TCERG1L: variants seen among roughly 807,000 people sequenced by gnomAD.
TCERG1L encodes the protein transcription elongation regulator 1 like.
In TCERG1L, 37 loss-of-function variants were observed where a neutral mutation model predicts 56.3. The ratio of observed to expected loss-of-function variants is 0.66; its 90% CI spans 0.51 to 0.87. The LOEUF is 0.87. TCERG1L is among the 40% of genes least tolerant of loss of function. The probability of loss-of-function intolerance (pLI) is 0.00; values close to 1 mark genes in which losing one functional copy is unlikely to be tolerated. For missense variants in TCERG1L, 799 were observed against 774.2 expected, an observed-to-expected ratio of 1.03 and a Z score of -0.38; for synonymous variants, 324 against 326.3, an observed-to-expected ratio of 0.99 and a Z score of 0.08.
intron 3 of TCERG1L, among the ~76,000 whole-genome samples, chr10:131,292,772 T>C (rs1265707897): frequency 9.2e-6 from 1 of 109,082 alleles, no homozygotes; most frequent in African/African-American, 3.1e-5. Context: ...GGAGCAGTGA[T>C]AGCTCCATTT....
In TCERG1L at chr10:131,116,234, G is replaced by T. The variant is rs967290519; in HGVS notation, c.1395+565C>A. 2.0e-5 allele frequency among the ~76,000 whole-genome samples: 3 copies of T among 152,204 alleles called. No individual in the cohort carries two copies. The East Asian group carries it at 5.8e-4, about 29-fold the overall frequency. On this transcript the variant is annotated intron_variant, in intron 9 of 11. Transcript: ENST00000368642. ...GTGAGATTTGGAAATCAGCTACACT[G>T]AAGATATCTTAATTTTATTTAAAAA...
intron 8 of TCERG1L, among the ~76,000 whole-genome samples, chr10:131,122,555 C>T (rs577394681): frequency 6.6e-6 from 1 of 152,358 alleles, no homozygotes; most frequent in African/African-American, 2.4e-5. Context: ...AAGACAAATG[C>T]AGACGGACAG....
intron 3 of TCERG1L, among the ~76,000 whole-genome samples, chr10:131,287,865 C>A (rs1055229160): frequency 6.6e-6 from 1 of 152,186 alleles, no homozygotes; most frequent in Non-Finnish European, 1.5e-5. Flanking sequence ...AGGCAGCTGG[C>A]GAGTGACAGG....
rs545078652 is a variant in TCERG1L, at chr10:131,207,071, G to A, written c.857-40186C>T. ...CAGAAAGTGCTTTGTCCTTTTCAGC[G>A]AGCGTCGGAGTGGGCGCAACTCTGC... is the stretch of plus-strand genomic sequence containing the variant. On this transcript the variant is annotated intron_variant, in intron 4 of 11. Transcript: ENST00000368642. Among the ~76,000 whole-genome samples, 171 of 152,290 alleles carry A rather than the reference G, an allele frequency of 1.1e-3. 1 individual carries two copies. The highest frequency in any genetic ancestry group is 3.8e-3 in the African/African-American group (157 of 41,554).
At chr10:131,292,118 C>G (rs961708534) in intron 3 of TCERG1L, among the ~76,000 whole-genome samples, 5 of 152,156 alleles carry the variant, frequency 3.3e-5, no homozygotes, top group African/African-American at 9.7e-5. Context: ...ATTGCATTGG[C>G]TAGAACTTCC....
rs1445718010 is a variant in TCERG1L at position 131,190,027 on chromosome 10, C to T, written c.857-23142G>A. 3.3e-5 allele frequency among the ~76,000 whole-genome samples: 5 copies of T among 152,158 alleles called. No homozygotes were observed. In the East Asian group the frequency reaches 9.7e-4, roughly 29 times the overall value. ...ATAAACAAAATTAATAGATCATTAG[C>T]TTGATTAACCAAGAAAAGAAGAGAG... On this transcript the variant is annotated intron_variant, in intron 4 of 11. Coordinates refer to ENST00000368642, the MANE Select transcript of TCERG1L (RefSeq NM_174937.4).
intron 4 of TCERG1L, among the ~76,000 whole-genome samples, chr10:131,182,350 T>C (rs1845189633): frequency 6.6e-6 from 1 of 152,256 alleles, no homozygotes; most frequent in African/African-American, 2.4e-5. Context: ...GGCCGGGGTC[T>C]TTGTGCCCCT....
chr10:131,115,399 T>C (rs2133388932), intron 9 of TCERG1L, among the ~76,000 whole-genome samples: 1 of 107,702 alleles, frequency 9.3e-6, no homozygotes, highest in East Asian at 2.4e-4. Flanking sequence ...AGGGAGGGAC[T>C]AAAGTCTTGT....
At chr10:131,229,184 A>C (rs1845824682) in intron 4 of TCERG1L, among the ~76,000 whole-genome samples, 1 of 151,574 alleles carries the variant, frequency 6.6e-6, no homozygotes, top group South Asian at 2.1e-4. Flanking sequence ...TCCCCTCCAG[A>C]CAGGCATTTC....
Position 131,092,972 on chromosome 10 carries a change from T to G in TCERG1L, c.*190A>C. The G allele has an allele frequency of 7.3e-6, 4 of 551,602 alleles. No individual in the cohort carries two copies. The Middle Eastern group carries it at 1.5e-3, about 200-fold the overall frequency. The allele number at this position is 551,602 out of a possible 1,614,324, so 34.2% of individuals were successfully genotyped here. A position where few individuals can be genotyped will look rare whatever the true frequency, so the allele number is the denominator to read the frequency against. The stretch of plus-strand genomic sequence containing the variant: ...CACGGTGATTAGAAATGCATCAAAC[T>G]CTGAATGTACAAAAGAGAGAGCTTC... On this transcript the variant is annotated 3_prime_UTR_variant, in exon 12 of 12. Transcript: ENST00000368642.
chr10:131,144,469 G>A (rs1425050242), intron 7 of TCERG1L, among the ~76,000 whole-genome samples: 6 of 152,020 alleles, frequency 3.9e-5, no homozygotes, highest in East Asian at 3.9e-4. Context: ...GTGTCGCTGC[G>A]AAGCTCTCTG....
intron 9 of TCERG1L, among the ~76,000 whole-genome samples, chr10:131,109,671 A>G (rs61862987): frequency 0.12 from 17,520 of 152,182 alleles, 1,249 homozygotes; most frequent in South Asian, 0.24. Context: ...CTGAATCACG[A>G]GAGTGGGAAC....
intron 4 of TCERG1L, among the ~76,000 whole-genome samples, chr10:131,205,364 TA>T (rs67880177): frequency 0.43 from 60,262 of 141,060 alleles, 12,832 homozygotes; most frequent in Admixed American, 0.53. Flanking sequence ...TCTCCTAATG[TA>T]AAAAAAAAAA....
intron 4 of TCERG1L, among the ~76,000 whole-genome samples, chr10:131,223,936 C>T (rs1156577352): frequency 6.6e-6 from 1 of 151,922 alleles, no homozygotes; most frequent in African/African-American, 2.4e-5. Context: ...CCCCAGGCCA[C>T]ATCCCCACCT....
chr10:131,206,678 A>C (rs1435197239), intron 4 of TCERG1L, among the ~76,000 whole-genome samples: 1 of 152,150 alleles, frequency 6.6e-6, no homozygotes, highest in African/African-American at 2.4e-5. Flanking sequence ...TGAGGGGTGC[A>C]GGGTCCTCCT....
intron 8 of TCERG1L, among the ~76,000 whole-genome samples, chr10:131,132,709 C>T (rs1845631058): frequency 6.6e-6 from 1 of 152,228 alleles, no homozygotes; most frequent in African/African-American, 2.4e-5. Context: ...TTTCCTGGAG[C>T]CCTTGGCCCC....
At chr10:131,305,966 A>G (rs990271802) in intron 3 of TCERG1L, among the ~76,000 whole-genome samples, 11 of 152,182 alleles carry the variant, frequency 7.2e-5, no homozygotes, top group African/African-American at 2.7e-4. Flanking sequence ...AATTCATAAT[A>G]GGATATGAAA....
At chr10:131,196,353 C>T (rs980545902) in intron 4 of TCERG1L, among the ~76,000 whole-genome samples, 3 of 152,144 alleles carry the variant, frequency 2.0e-5, no homozygotes, top group African/African-American at 7.2e-5. Flanking sequence ...CGCTCAGTGA[C>T]CCTGTGCATT....
At chr10:131,278,022 T>G (rs1445880808) in intron 3 of TCERG1L, among the ~76,000 whole-genome samples, 1 of 152,038 alleles carries the variant, frequency 6.6e-6, no homozygotes, top group Non-Finnish European at 1.5e-5. Flanking sequence ...GAGGAAAGTC[T>G]GAGGAAACCC....
Sources: gnomAD v4.1 joint callset for allele counts (sites outside exome capture counted in the v4.1 genomes callset) on GRCh38, gnomAD v4.1.1 for gene constraint, MANE v1.5 for transcripts, NCBI Gene and HGNC (gene_info 2026-07-23, HGNC 2026-07-21) for gene names.